The following TTC38 variants were observed in gnomAD, a reference collection of about 807,000 sequenced individuals.
The protein encoded by TTC38 is tetratricopeptide repeat domain 38.
A neutral mutation model predicts 64.2 loss-of-function variants in TTC38; 64 were observed. The ratio of observed to expected loss-of-function variants is 1.00; its 90% CI spans 0.81 to 1.23. The LOEUF (loss-of-function observed/expected upper bound fraction) is 1.23, where lower values mean the gene tolerates loss of function less well. Ranked by LOEUF, TTC38 falls within the 50% of genes most tolerant of loss-of-function variation. The pLI, the probability that TTC38 is intolerant of heterozygous loss-of-function variation, is 0.00. For missense variants in TTC38, 573 were observed against 615.5 expected (o/e 0.93, Z 0.73); for synonymous variants, 254 against 249.3 (o/e 1.02, Z -0.18).
Position 46,287,131 on chromosome 22 carries a change from T to C in TTC38, c.893T>C (p.Met298Thr), listed in dbSNP as rs1458179252. The change falls in exon 10 of 14, where the codon ATG (methionine) becomes ACG (threonine). Residue 298 changes from methionine (M) to threonine (T), a missense_variant. This residue lies in a region of TTC38 where 371 missense variants were observed against 381.8 expected (regional missense o/e 0.97). Transcript: ENST00000381031. ...CTGGACGTGGTGGACAGCTGCTCCA[T>C]GCTCTACCGCCTGCAGATGGAAGGT... ...AMLDVVDSCS[M>T]LYRLQMEGVS... 7 of 1,604,934 alleles carry C rather than the reference T, an allele frequency of 4.4e-6. No individual in the cohort carries two copies. The Middle Eastern group carries it at 5.0e-4, about 114-fold the overall frequency.
Position 46,292,729 on chromosome 22 carries a change from C to G in TTC38, c.1317-62C>G, listed in dbSNP as rs2077624935. ...TGTGTTCTGCCTTGGGACCAAGGGA[C>G]CACCAGGCCCCACATCCCTCTAGAA... is the stretch of plus-strand genomic sequence containing the variant. On this transcript the variant is annotated intron_variant, in intron 13 of 13. Transcript: ENST00000381031. This position sits in a 1 kb window ranked among gnomAD's most constrained non-coding sequence, Gnocchi z 6.5. The G allele has an allele frequency of 6.9e-7, 1 of 1,448,302 alleles. No homozygotes were observed. Among genetic ancestry groups the G allele is most frequent in the African/African-American group, 1.4e-5 (1 of 71,660 alleles). 89.7% of individuals were successfully genotyped at this position (1,448,302 alleles called of 1,614,324 possible).
intron 2 of TTC38, chr22:46,268,830 G>A (rs931984142): frequency 2.1e-6 from 1 of 465,806 alleles, no homozygotes. Context: ...GACTACAGGC[G>A]CCCGCCACTG....
rs1246605351 is a variant in TTC38, at chr22:46,274,987, T to A, written c.366-261T>A. Reference sequence around the variant, plus strand: ...ACAGGCACATATCACCACACCCTGCTCATTTTTGTATTTTTAGTAGAGATG... The same window carrying A: ...ACAGGCACATATCACCACACCCTGCACATTTTTGTATTTTTAGTAGAGATG... On this transcript the variant is annotated intron_variant, in intron 4 of 13. Transcript: ENST00000381031. This position sits in a 1 kb window ranked among gnomAD's most constrained non-coding sequence, Gnocchi z 4.8. Among the ~76,000 whole-genome samples the A allele has an allele frequency of 6.6e-6, 1 of 152,078 alleles. No homozygotes were observed. Among genetic ancestry groups the A allele is most frequent in the Non-Finnish European group, 1.5e-5 (1 of 68,016 alleles).
Position 46,292,210 on chromosome 22 carries a change from G to T in TTC38, c.1317-581G>T, listed in dbSNP as rs779616281. On this transcript the variant is annotated intron_variant, in intron 13 of 13. Transcript: ENST00000381031. The surrounding 1 kb of genome is among the most constrained non-coding windows in gnomAD (Gnocchi z 6.5). ...ATTTTTTTATATTTTTAGAGGCAAG[G>T]TCTCACTCGGTCATCCAGGTTGGAA... The T allele has an allele frequency of 9.0e-6, 4 of 445,798 alleles. No individual in the cohort carries two copies. The highest frequency in any genetic ancestry group is 2.0e-5 in the African/African-American group (1 of 49,548). 27.6% of individuals were successfully genotyped at this position (445,798 alleles called of 1,614,324 possible). A position where few individuals can be genotyped will look rare whatever the true frequency, so the allele number is the denominator to read the frequency against.
rs537311105 is a variant in TTC38, at chr22:46,292,219, G to A, written c.1317-572G>A. The A allele has an allele frequency of 4.5e-5, 20 of 445,752 alleles. No homozygotes were observed. Among genetic ancestry groups the A allele is most frequent in the African/African-American group, 8.1e-5 (4 of 49,516 alleles). The allele number at this position is 445,752 out of a possible 1,614,324, so 27.6% of individuals were successfully genotyped here. On this transcript the variant is annotated intron_variant, in intron 13 of 13. Transcript: ENST00000381031. This position sits in a 1 kb window ranked among gnomAD's most constrained non-coding sequence, Gnocchi z 6.5. ...TATTTTTAGAGGCAAGGTCTCACTC[G>A]GTCATCCAGGTTGGAATGCAGTGGT...
intron 2 of TTC38, chr22:46,269,064 G>A (rs1936831767): frequency 2.6e-6 from 1 of 391,696 alleles, no homozygotes; most frequent in Non-Finnish European, 5.1e-6. Flanking sequence ...ACTGGAGGAC[G>A]TGGGAGGGTG....
In TTC38 at chr22:46,273,573, T is replaced by C. The variant is rs1936941769; in HGVS notation, c.194-325T>C. ...CCTCCCGGGAGCCGTGTGCTGGCTG[T>C]GGCGGTAGTGTCAGCTGATGAGCCT... On this transcript the variant is annotated intron_variant, in intron 3 of 13. Transcript: ENST00000381031. The surrounding 1 kb of genome is among the most constrained non-coding windows in gnomAD (Gnocchi z 5.1). Among the ~76,000 whole-genome samples the C allele has an allele frequency of 6.6e-6, 1 of 152,224 alleles. No individual in the cohort carries two copies. The highest frequency in any genetic ancestry group is 1.5e-5 in the Non-Finnish European group (1 of 68,038).
rs945149010 is a variant in TTC38, at chr22:46,276,218, A to G, written c.539+797A>G. ...CTGGCAAGTTCAAAATCTGTAGGGC[A>G]GGGCAGCAAGCTGGAAATCGCTGCA... On this transcript the variant is annotated intron_variant, in intron 5 of 13. Coordinates refer to ENST00000381031, the MANE Select transcript of TTC38 (RefSeq NM_017931.4). This position sits in a 1 kb window ranked among gnomAD's most constrained non-coding sequence, Gnocchi z 4.7. Among the ~76,000 whole-genome samples the G allele has an allele frequency of 2.0e-5, 3 of 152,198 alleles. No individual in the cohort carries two copies. The highest frequency in any genetic ancestry group is 2.0e-4 in the Admixed American group (3 of 15,282).
rs146068773 is a variant in TTC38, at chr22:46,276,350, C to T, written c.539+929C>T. On this transcript the variant is annotated intron_variant, in intron 5 of 13. Coordinates refer to ENST00000381031, the MANE Select transcript of TTC38 (RefSeq NM_017931.4). The surrounding 1 kb of genome is among the most constrained non-coding windows in gnomAD (Gnocchi z 4.7). The stretch of plus-strand genomic sequence containing the variant: ...CCTTTAACTGATTGGATGAGGCCCA[C>T]CCACATGGAGGGTAATCTGCTTTAC... 1.2e-3 allele frequency among the ~76,000 whole-genome samples: 176 copies of T among 152,238 alleles called. No homozygotes were observed. The highest frequency in any genetic ancestry group is 4.0e-3 in the African/African-American group (168 of 41,526).
chr22:46,279,223 C>G (rs183677512), intron 6 of TTC38, among the ~76,000 whole-genome samples: 1 of 152,122 alleles, frequency 6.6e-6, no homozygotes, highest in East Asian at 1.9e-4. Flanking sequence ...GCCTGGGGCG[C>G]GAATGGTCTC....
chr22:46,270,071 C>T lies in TTC38; in HGVS notation c.111+1480C>T, dbSNP rs1453277315. 6.6e-6 allele frequency among the ~76,000 whole-genome samples: 1 copy of T among 152,192 alleles called. No homozygotes were observed. The highest frequency in any genetic ancestry group is 1.5e-5 in the Non-Finnish European group (1 of 68,034). On this transcript the variant is annotated intron_variant, in intron 2 of 13. Transcript: ENST00000381031. This position sits in a 1 kb window ranked among gnomAD's most constrained non-coding sequence, Gnocchi z 4.7. ...CCTCTCAAAGTGCTGGGATTACAGG[C>T]GTGAGCCACTGTGCCCGGCCCCTAG...
In TTC38 at chr22:46,272,929, C is replaced by T. The variant is rs2147785774; in HGVS notation, c.193+513C>T. Among the ~76,000 whole-genome samples, 1 of 152,278 alleles carries T rather than the reference C, an allele frequency of 6.6e-6. No individual in the cohort carries two copies. Among genetic ancestry groups the T allele is most frequent in the Non-Finnish European group, 1.5e-5 (1 of 68,022 alleles). Reference sequence around the variant, plus strand: ...ATGTGTACAGCGGGCATGGGGAAGCCAGCACAGTGCATTGCAGGTGGGTGG... The same window carrying T: ...ATGTGTACAGCGGGCATGGGGAAGCTAGCACAGTGCATTGCAGGTGGGTGG... On this transcript the variant is annotated intron_variant, in intron 3 of 13. Transcript: ENST00000381031. The surrounding 1 kb of genome is among the most constrained non-coding windows in gnomAD (Gnocchi z 6.4).
In TTC38 at chr22:46,284,075, G is replaced by A. The variant is rs116678523; in HGVS notation, c.795+43G>A. 772 of 1,509,938 alleles carry A rather than the reference G, an allele frequency of 5.1e-4. 8 individuals are homozygous for A. The African/African-American group carries it at 0.01, about 20-fold the overall frequency. 93.5% of individuals were successfully genotyped at this position (1,509,938 alleles called of 1,614,324 possible). A position where few individuals can be genotyped will look rare whatever the true frequency, so the allele number is the denominator to read the frequency against. ...TTGCACTGTCTTATCCTATAAAGAT[G>A]TCTAGAGGGAGAAAGATTTTTCTAG... is the stretch of plus-strand genomic sequence containing the variant. On this transcript the variant is annotated intron_variant, in intron 8 of 13. Transcript: ENST00000381031.
intron 13 of TTC38, among the ~76,000 whole-genome samples, chr22:46,290,498 T>TAGG (rs10639901): frequency 0.078 from 10,580 of 135,616 alleles, 1,172 homozygotes; most frequent in African/African-American, 0.25. Context: ...GGGTGAGTGT[T>TAGG]AGGGTGGCAT....
At position 46,281,460 on chromosome 22, in the gene TTC38, G is replaced by C; in HGVS notation, c.616-139G>C. On this transcript the variant is annotated intron_variant, in intron 6 of 13. Coordinates refer to ENST00000381031, the MANE Select transcript of TTC38 (RefSeq NM_017931.4). The surrounding 1 kb of genome is among the most constrained non-coding windows in gnomAD (Gnocchi z 5.2). ...AAGTGGTGCTAATTGTCAGTGTTTT[G>C]AGTCAGAGCCCCGCCCCCCCACTTG... The C allele has an allele frequency of 5.2e-6, 5 of 960,066 alleles. No individual in the cohort carries two copies. Among genetic ancestry groups the C allele is most frequent in the Non-Finnish European group, 6.3e-6 (4 of 634,956 alleles). 59.5% of individuals were successfully genotyped at this position (960,066 alleles called of 1,614,324 possible). A position where few individuals can be genotyped will look rare whatever the true frequency, so the allele number is the denominator to read the frequency against.
rs1223196718 is a variant in TTC38, at chr22:46,273,825, C to A, written c.194-73C>A. 5 of 1,513,968 alleles carry A rather than the reference C, an allele frequency of 3.3e-6. No individual in the cohort carries two copies. The highest frequency in any genetic ancestry group is 2.7e-5 in the African/African-American group (2 of 72,776). The allele number at this position is 1,513,968 out of a possible 1,614,324, so 93.8% of individuals were successfully genotyped here. A position where few individuals can be genotyped will look rare whatever the true frequency, so the allele number is the denominator to read the frequency against. On this transcript the variant is annotated intron_variant, in intron 3 of 13. Coordinates refer to ENST00000381031, the MANE Select transcript of TTC38 (RefSeq NM_017931.4). The surrounding 1 kb of genome is among the most constrained non-coding windows in gnomAD (Gnocchi z 5.1). The stretch of plus-strand genomic sequence containing the variant: ...CCTGGGACGTGGGGTGTCTCTGTGA[C>A]ATGTGGAGTCTGGGCTGGGATGGGC...
chr22:46,283,883 A>G, intron 7 of TTC38, 90 bp from the exon 8 acceptor site: 1 of 397,852 alleles, frequency 2.5e-6, no homozygotes, highest in Non-Finnish European at 4.7e-6. Context: ...AAAAAAGATG[A>G]TGGTTTCTGC....
At position 46,287,141 on chromosome 22, in the gene TTC38, C is replaced by T; in HGVS notation, c.903C>T (p.Arg301=). 1 of 1,602,866 alleles carries T rather than the reference C, an allele frequency of 6.2e-7. No homozygotes were observed. Among genetic ancestry groups the T allele is most frequent in the Non-Finnish European group, 8.5e-7 (1 of 1,174,194 alleles). The change falls in exon 10 of 14, where the codon CGC becomes CGT. Residue 301 remains arginine (R), a synonymous_variant. Transcript: ENST00000381031. ...DVVDSCSMLY[R]LQMEGVSVGQ... ...TGGACAGCTGCTCCATGCTCTACCG[C>T]CTGCAGATGGAAGGTAGCCATCCCT...
At chr22:46,286,477 G>A (rs2077572313) in intron 9 of TTC38, among the ~76,000 whole-genome samples, 1 of 151,914 alleles carries the variant, frequency 6.6e-6, no homozygotes, top group African/African-American at 2.4e-5. Flanking sequence ...CCTGGCCAAC[G>A]TGGTGAAATC....
Sources: allele counts gnomAD v4.1 joint callset (sites outside exome capture counted in the v4.1 genomes callset), GRCh38; gene constraint gnomAD v4.1.1; regional missense constraint gnomAD v4.1.1; non-coding constraint Gnocchi (gnomAD v3.1); transcripts MANE v1.5; gene names NCBI Gene and HGNC (gene_info 2026-07-23, HGNC 2026-07-21).